PACS1: variants seen among roughly 807,000 people sequenced by gnomAD.
PACS1 encodes phosphofurin acidic cluster sorting protein 1.
A neutral mutation model predicts 115.0 loss-of-function variants in PACS1; 24 were observed. The ratio of observed to expected loss-of-function variants is 0.21; its 90% CI spans 0.15 to 0.29. The LOEUF is 0.29. PACS1 is among the 10% of genes least tolerant of loss of function. PACS1 has a pLI of 1.00. For synonymous variants in PACS1, 453 were observed against 504.5 expected, an observed-to-expected ratio of 0.90 and a Z score of 1.37; for missense variants, 838 against 1,251.2, an observed-to-expected ratio of 0.67 and a Z score of 4.98.
intron 20 of PACS1, 95 bp from the exon 21 acceptor site, chr11:66,239,047 A>G: frequency 6.4e-7 from 1 of 1,566,198 alleles, no homozygotes; most frequent in East Asian, 2.2e-5. Flanking sequence ...GGAGGAAAGC[A>G]GGCCACAGGA....
intron 1 of PACS1, among the ~76,000 whole-genome samples, chr11:66,118,225 C>T (rs1182849009): frequency 6.6e-6 from 1 of 152,236 alleles, no homozygotes; most frequent in Non-Finnish European, 1.5e-5. Flanking sequence ...ATGCTACACA[C>T]AGGTGAACCA....
At chr11:66,221,297 G>A (rs117526699) in intron 10 of PACS1, 50 bp downstream of exon 10, 12 of 1,477,266 alleles carry the variant, frequency 8.1e-6, no homozygotes, top group Non-Finnish European at 1.1e-5. Flanking sequence ...GCATGTCAGG[G>A]CTCGACGCTC....
At chr11:66,230,770 G>A in intron 12 of PACS1, 35 bp from the exon 13 acceptor site, 2 of 1,613,802 alleles carry the variant, frequency 1.2e-6, no homozygotes, top group Non-Finnish European at 1.7e-6. Context: ...GGTTGGAGGG[G>A]CTATTTCACC....
At chr11:66,101,425 T>C (rs1297667607) in intron 1 of PACS1, among the ~76,000 whole-genome samples, 5 of 152,208 alleles carry the variant, frequency 3.3e-5, no homozygotes, top group Non-Finnish European at 7.3e-5. Flanking sequence ...TTGCATCCTG[T>C]TTTTCTGAAC....
chr11:66,096,865 C>CTT lies in PACS1; in HGVS notation c.356+26036_356+26037dup, dbSNP rs549622182. Among the ~76,000 whole-genome samples the CTT allele has an allele frequency of 2.8e-5, 4 of 140,990 alleles. No individual in the cohort carries two copies. In the South Asian group the frequency reaches 6.8e-4, roughly 24 times the overall value. 92.5% of individuals were successfully genotyped at this position (140,990 alleles called of 152,430 possible). On this transcript the variant is annotated intron_variant, in intron 1 of 23. Transcript: ENST00000320580. ...CATTTTCATTTCTCCCTCTCTCTCT[C>CTT]TTTTTTTTTTTTTTAATGTAGAGAC...
intron 1 of PACS1, among the ~76,000 whole-genome samples, chr11:66,080,136 A>G (rs1278988280): frequency 3.9e-5 from 6 of 152,232 alleles, no homozygotes; most frequent in Non-Finnish European, 7.3e-5. Flanking sequence ...CATTTGTCAA[A>G]TCAATGACAC....
intron 1 of PACS1, among the ~76,000 whole-genome samples, chr11:66,184,337 A>G (rs78786899): frequency 4.1e-5 from 6 of 145,592 alleles, no homozygotes; most frequent in South Asian, 2.3e-4. Context: ...AAAAAAAAAA[A>G]AGAGATGAGA....
chr11:66,173,206 T>A (rs1307370030), intron 1 of PACS1, among the ~76,000 whole-genome samples: 2 of 151,956 alleles, frequency 1.3e-5, no homozygotes, highest in Non-Finnish European at 2.9e-5. Flanking sequence ...GTGCTGACAT[T>A]ACAGGCATAA....
At chr11:66,093,111 T>C (rs1057429448) in intron 1 of PACS1, among the ~76,000 whole-genome samples, 37 of 152,150 alleles carry the variant, frequency 2.4e-4, no homozygotes, top group Non-Finnish European at 4.9e-4. Flanking sequence ...TTGGGCAGTA[T>C]GGCCATTTTC....
rs1392653373 is a variant in PACS1, at chr11:66,220,796, G to GC, written c.1199+11dup. The GC allele has an allele frequency of 1.2e-6, 2 of 1,613,200 alleles. No individual in the cohort carries two copies. Among genetic ancestry groups the GC allele is most frequent in the African/African-American group, 1.3e-5 (1 of 74,866 alleles). On this transcript the variant is annotated splice_donor_region_variant and intron_variant, in intron 9 of 23. Transcript: ENST00000320580. ...CACGCCAAAGCCCAAGCTCAAGTGAGCCCCCCTCTCTGTAGCTGGCCTCCA... is the reference window on the plus strand; with the variant it reads ...CACGCCAAAGCCCAAGCTCAAGTGAGCCCCCCCTCTCTGTAGCTGGCCTCCA...
At chr11:66,073,916 C>CTT (rs34145797) in intron 1 of PACS1, among the ~76,000 whole-genome samples, 3 of 76,932 alleles carry the variant, frequency 3.9e-5, no homozygotes, top group African/African-American at 5.2e-5. Flanking sequence ...TCACACCTGG[C>CTT]TTTTTTTTTT....
At chr11:66,238,723 G>A in intron 19 of PACS1, 81 bp from the exon 20 acceptor site, 1 of 1,255,432 alleles carries the variant, frequency 8.0e-7, no homozygotes, top group Non-Finnish European at 1.1e-6. Flanking sequence ...TGGCTCTTGT[G>A]CCACCAATGT....
chr11:66,186,909 C>G (rs1256496776), intron 1 of PACS1, among the ~76,000 whole-genome samples: 1 of 152,184 alleles, frequency 6.6e-6, no homozygotes, highest in Non-Finnish European at 1.5e-5. Flanking sequence ...CCAATCAGTG[C>G]CTCCACCTGC....
At chr11:66,194,318 A>G (rs1432921337) in intron 2 of PACS1, among the ~76,000 whole-genome samples, 1 of 152,172 alleles carries the variant, frequency 6.6e-6, no homozygotes, top group Non-Finnish European at 1.5e-5. Flanking sequence ...GTTATTTCAG[A>G]CTTGGCAATT....
Position 66,235,791 on chromosome 11 carries a change from G to C in PACS1, c.2208-107G>C, listed in dbSNP as rs1855692970. On this transcript the variant is annotated intron_variant, in intron 18 of 23. Transcript: ENST00000320580. The surrounding 1 kb of genome is among the most constrained non-coding windows in gnomAD (Gnocchi z 5.6). ...GGATGTGATGGGCAGAGGCAGCCCA[G>C]CATCCTGGACTCTGCTGCAGCCACA... is the stretch of plus-strand genomic sequence containing the variant. 1 of 954,970 alleles carries C rather than the reference G, an allele frequency of 1.0e-6. No homozygotes were observed. Among genetic ancestry groups the C allele is most frequent in the South Asian group, 1.3e-5 (1 of 77,780 alleles). The allele number at this position is 954,970 out of a possible 1,614,324, so 59.2% of individuals were successfully genotyped here. A position where few individuals can be genotyped will look rare whatever the true frequency, so the allele number is the denominator to read the frequency against.
chr11:66,105,956 G>C (rs572167833), intron 1 of PACS1, among the ~76,000 whole-genome samples: 13 of 152,282 alleles, frequency 8.5e-5, no homozygotes, highest in African/African-American at 2.4e-4. Context: ...GGGTAGAAAG[G>C]AGTGGCCTGG....
rs972311438 is a variant in PACS1, at chr11:66,234,140, C to T, written c.2002C>T (p.Pro668Ser). ...GGTTTTCCATCTACCAGGTTCTCAC[C>T]CTGTGGCCAAATACTTGGGGTCAGT... ...RFLIIPLGSH[P>S]VAKYLGSVDS... The change falls in exon 17 of 24, where the codon CCT becomes TCT. Residue 668 changes from proline to serine, a missense_variant. Around this residue, in one of 6 missense-constraint regions of PACS1, gnomAD observed 383 missense variants for 537.0 expected, o/e 0.71. Coordinates refer to ENST00000320580, the MANE Select transcript of PACS1 (RefSeq NM_018026.4). 6.2e-7 allele frequency: 1 copy of T among 1,612,132 alleles called. No individual in the cohort carries two copies. The highest frequency in any genetic ancestry group is 8.5e-7 in the Non-Finnish European group (1 of 1,178,274).
At chr11:66,222,749 C>T (rs1590830781) in intron 10 of PACS1, among the ~76,000 whole-genome samples, 2 of 152,104 alleles carry the variant, frequency 1.3e-5, no homozygotes, top group East Asian at 3.9e-4. Context: ...ACAGGAGAGG[C>T]CTCTACCGCT....
intron 1 of PACS1, among the ~76,000 whole-genome samples, chr11:66,176,323 C>T (rs1197991331): frequency 1.3e-5 from 2 of 152,086 alleles, no homozygotes; most frequent in Non-Finnish European, 2.9e-5. Flanking sequence ...TATGTGAGAA[C>T]ATGCATTTTA....
Sources: gnomAD v4.1 joint callset for allele counts (sites outside exome capture counted in the v4.1 genomes callset) on GRCh38, gnomAD v4.1.1 for gene constraint, gnomAD v4.1.1 regional missense constraint, Gnocchi (gnomAD v3.1) non-coding constraint, MANE v1.5 for transcripts, NCBI Gene and HGNC (gene_info 2026-07-23, HGNC 2026-07-21) for gene names.